The following HSD11B1 variants were observed in gnomAD, a reference collection of about 807,000 sequenced individuals.
The protein encoded by HSD11B1 is 11-beta-hydroxysteroid dehydrogenase 1.
A neutral mutation model predicts 22.1 loss-of-function variants in HSD11B1; 15 were observed. The observed-to-expected ratio is 0.68, with a 90% CI of 0.45 to 1.04. The LOEUF (loss-of-function observed/expected upper bound fraction) is 1.04, where lower values mean the gene tolerates loss of function less well. Ranked by LOEUF, HSD11B1 falls within the 50% of genes least tolerant of loss-of-function variation. The pLI, the probability that HSD11B1 is intolerant of heterozygous loss-of-function variation, is 0.00. For missense variants in HSD11B1, 281 were observed against 357.6 expected (o/e 0.79, Z 1.73); for synonymous variants, 122 against 125.2 (o/e 0.97, Z 0.17).
In HSD11B1 at chr1:209,710,982, A is replaced by G. The variant is rs1053421792; in HGVS notation, c.517+3854A>G. Among the ~76,000 whole-genome samples the G allele has an allele frequency of 6.6e-5, 10 of 152,218 alleles. 1 individual carries two copies. The highest frequency in any genetic ancestry group is 1.5e-5 in the Non-Finnish European group (1 of 68,040). ...AATGTACGTGTGCAGTCTTTCAGGC[A>G]CTTTGAGTTGAGTTGACTAGCCGGG... On this transcript the variant is annotated intron_variant, in intron 4 of 5. Transcript: ENST00000367027.
chr1:209,721,204 T>C (rs1288586123), intron 4 of HSD11B1, among the ~76,000 whole-genome samples: 8 of 152,160 alleles, frequency 5.3e-5, no homozygotes, highest in Non-Finnish European at 1.2e-4. Flanking sequence ...ATTTCTGTTG[T>C]CTTAAGCCAC....
intron 4 of HSD11B1, among the ~76,000 whole-genome samples, chr1:209,711,609 G>A (rs374050642): frequency 6.6e-6 from 1 of 152,134 alleles, no homozygotes; most frequent in Non-Finnish European, 1.5e-5. Context: ...GTAGAAGTAC[G>A]CAGAGGTGAG....
chr1:209,731,796 C>A (rs1379409866), intron 4 of HSD11B1, among the ~76,000 whole-genome samples: 1 of 152,142 alleles, frequency 6.6e-6, no homozygotes, highest in African/African-American at 2.4e-5. Context: ...CTCACTGCAA[C>A]TTCCGCCTCC....
At chr1:209,724,829 T>A (rs1216197023) in intron 4 of HSD11B1, among the ~76,000 whole-genome samples, 1 of 152,206 alleles carries the variant, frequency 6.6e-6, no homozygotes, top group Non-Finnish European at 1.5e-5. Context: ...TGTTTGAGAA[T>A]GGAAGATTTT....
chr1:209,724,685 C>A (rs2076989061), intron 4 of HSD11B1, among the ~76,000 whole-genome samples: 1 of 152,182 alleles, frequency 6.6e-6, no homozygotes, highest in Admixed American at 6.5e-5. Context: ...TTTCAGCTTT[C>A]TGAAACTTCT....
chr1:209,728,352 T>C (rs1197538150), intron 4 of HSD11B1, among the ~76,000 whole-genome samples: 2 of 152,202 alleles, frequency 1.3e-5, no homozygotes, highest in African/African-American at 2.4e-5. Flanking sequence ...ATTTGAATAC[T>C]AATACTGCTA....
intron 4 of HSD11B1, among the ~76,000 whole-genome samples, chr1:209,721,985 G>T (rs1168576824): frequency 6.6e-6 from 1 of 152,180 alleles, no homozygotes; most frequent in South Asian, 2.1e-4. Context: ...GGATGAAACT[G>T]CCCTGAGCGT....
At chr1:209,726,954 G>A (rs1186854967) in intron 4 of HSD11B1, among the ~76,000 whole-genome samples, 1 of 152,218 alleles carries the variant, frequency 6.6e-6, no homozygotes, top group Non-Finnish European at 1.5e-5. Flanking sequence ...CTAGGGGTGT[G>A]TAGTGGGCTG....
At chr1:209,705,158 GA>G in intron 1 of HSD11B1, 128 bp downstream of exon 1, 1 of 792,190 alleles carries the variant, frequency 1.3e-6, no homozygotes, top group East Asian at 2.5e-5. Flanking sequence ...CCTGAGTTAA[GA>G]TGGTATTTTT....
At chr1:209,699,609 G>A (rs573694708) in intron 1 of HSD11B1, among the ~76,000 whole-genome samples, 2 of 151,998 alleles carry the variant, frequency 1.3e-5, no homozygotes, top group African/African-American at 4.8e-5. Context: ...TCCACCCCTG[G>A]CCCCTCCAAA....
intron 1 of HSD11B1, among the ~76,000 whole-genome samples, chr1:209,689,557 G>T (rs1304185869): frequency 2.6e-5 from 4 of 152,192 alleles, no homozygotes; most frequent in Non-Finnish European, 5.9e-5. Context: ...AGTCGTGGGG[G>T]TGAATCCCTC....
intron 1 of HSD11B1, among the ~76,000 whole-genome samples, chr1:209,705,235 T>C (rs1331194406): frequency 1.3e-5 from 2 of 152,054 alleles, no homozygotes; most frequent in Admixed American, 6.6e-5. Context: ...GTAGCCAAAA[T>C]CTAGCCAAAT....
chr1:209,729,175 A>G (rs2077020904), intron 4 of HSD11B1, among the ~76,000 whole-genome samples: 1 of 152,166 alleles, frequency 6.6e-6, no homozygotes, highest in African/African-American at 2.4e-5. Context: ...CCTGGCCAAC[A>G]TGGTGAAACC....
chr1:209,694,725 A>G (rs1189585631), intron 1 of HSD11B1, among the ~76,000 whole-genome samples: 1 of 152,348 alleles, frequency 6.6e-6, no homozygotes, highest in African/African-American at 2.4e-5. Context: ...TCATGTCTTA[A>G]GTTGGATGGT....
At chr1:209,721,300 G>C (rs549768894) in intron 4 of HSD11B1, among the ~76,000 whole-genome samples, 26 of 152,114 alleles carry the variant, frequency 1.7e-4, no homozygotes, top group Non-Finnish European at 2.9e-4. Context: ...ATGTAGGACA[G>C]TGTCCCTCTG....
chr1:209,722,382 C>T (rs546173378), intron 4 of HSD11B1, among the ~76,000 whole-genome samples: 7 of 152,236 alleles, frequency 4.6e-5, no homozygotes, highest in Non-Finnish European at 1.0e-4. Context: ...TCTCCCCTCT[C>T]AGTCTCTTAG....
chr1:209,701,103 C>T (rs2076823919), upstream of HSD11B1, among the ~76,000 whole-genome samples: 1 of 152,224 alleles, frequency 6.6e-6, no homozygotes, highest in Admixed American at 6.5e-5. Flanking sequence ...AAAGTCACTT[C>T]CACATTTTCA....
At chr1:209,713,137 G>A (rs1160159004) in intron 4 of HSD11B1, among the ~76,000 whole-genome samples, 1 of 152,178 alleles carries the variant, frequency 6.6e-6, no homozygotes, top group Non-Finnish European at 1.5e-5. Flanking sequence ...ACAGATTTAG[G>A]TACAAAAACA....
intron 4 of HSD11B1, among the ~76,000 whole-genome samples, chr1:209,720,620 G>A (rs942258705): frequency 2.0e-5 from 3 of 151,310 alleles, no homozygotes; most frequent in Non-Finnish European, 2.9e-5. Flanking sequence ...CAGTGCCAAG[G>A]TCATGAAAAT....
Sources: gnomAD v4.1 joint callset for allele counts (sites outside exome capture counted in the v4.1 genomes callset) on GRCh38, gnomAD v4.1.1 for gene constraint, MANE v1.5 for transcripts, NCBI Gene and HGNC (gene_info 2026-07-23, HGNC 2026-07-21) for gene names.